Variants in GORASP1 observed in about 807,000 individuals in gnomAD.
GORASP1 encodes the protein golgi reassembly stacking protein 1.
A neutral mutation model predicts 37.7 loss-of-function variants in GORASP1; 31 were observed. The observed-to-expected ratio is 0.82, with a 90% CI of 0.62 to 1.11. GORASP1 has a LOEUF of 1.11. Ranked by LOEUF, GORASP1 falls within the 50% of genes least tolerant of loss-of-function variation. The probability of loss-of-function intolerance (pLI) is 0.00; values close to 1 mark genes in which losing one functional copy is unlikely to be tolerated. For missense variants in GORASP1, 476 were observed against 560.7 expected, an observed-to-expected ratio of 0.85 and a Z score of 1.53; for synonymous variants, 204 against 224.8, an observed-to-expected ratio of 0.91 and a Z score of 0.83.
At position 39,099,485 on chromosome 3, in the gene GORASP1, C is replaced by G; in HGVS notation, c.784G>C (p.Gly262Arg). 1 of 1,610,450 alleles carries G rather than the reference C, an allele frequency of 6.2e-7. No homozygotes were observed. Among genetic ancestry groups the G allele is most frequent in the Non-Finnish European group, 8.5e-7 (1 of 1,178,532 alleles). ...DYMEALLQAPGSSMEDPLPGP... is the reference protein window; with the variant it reads ...DYMEALLQAPRSSMEDPLPGP... ...GGAAGGGGATCCTCCATGGAGGAGC[C>G]AGGTGCCTGCAGCAGGGCCTAGGAA... The change falls in exon 7 of 9, where the codon GGC becomes CGC. Residue 262 changes from glycine to arginine, a missense_variant. Coordinates refer to ENST00000319283, the MANE Select transcript of GORASP1 (RefSeq NM_031899.4).
Position 39,103,323 on chromosome 3 carries a change from C to G in GORASP1, c.144+150G>C. 2 of 626,968 alleles carry G rather than the reference C, an allele frequency of 3.2e-6. No homozygotes were observed. The highest frequency in any genetic ancestry group is 5.6e-6 in the Non-Finnish European group (2 of 359,158). 38.8% of individuals were successfully genotyped at this position (626,968 alleles called of 1,614,324 possible). A position where few individuals can be genotyped will look rare whatever the true frequency, so the allele number is the denominator to read the frequency against. ...CACTGGGCAGGGCCCCAGTCAGGCT[C>G]TGAGTACAGCCCTGGAAGAAGGGGA... On this transcript the variant is annotated intron_variant, in intron 2 of 8. Coordinates refer to ENST00000319283, the MANE Select transcript of GORASP1 (RefSeq NM_031899.4). The surrounding 1 kb of genome is among the most constrained non-coding windows in gnomAD (Gnocchi z 5.2).
At position 39,102,351 on chromosome 3, in the gene GORASP1, A is replaced by C. The variant is rs1203890159; in HGVS notation, c.348+327T>G. The C allele has an allele frequency of 8.7e-6, 4 of 461,168 alleles. No individual in the cohort carries two copies. The highest frequency in any genetic ancestry group is 7.0e-5 in the Admixed American group (2 of 28,612). The allele number at this position is 461,168 out of a possible 1,614,324, so 28.6% of individuals were successfully genotyped here. A position where few individuals can be genotyped will look rare whatever the true frequency, so the allele number is the denominator to read the frequency against. ...CACACACGGAGAGACACAGAGAATAATAAAAGCAGCAGCATTCCAGCAGTC... is the reference window on the plus strand; with the variant it reads ...CACACACGGAGAGACACAGAGAATACTAAAAGCAGCAGCATTCCAGCAGTC... On this transcript the variant is annotated intron_variant, in intron 3 of 8. Coordinates refer to ENST00000319283, the MANE Select transcript of GORASP1 (RefSeq NM_031899.4). The surrounding 1 kb of genome is among the most constrained non-coding windows in gnomAD (Gnocchi z 5.0).
chr3:39,107,438 G>A, intron 1 of GORASP1, 41 bp downstream of exon 1: 1 of 1,263,394 alleles, frequency 7.9e-7, no homozygotes, highest in Non-Finnish European at 1.0e-6. Context: ...CGGGGTTGCG[G>A]GCGCCTCGCC....
In GORASP1 at chr3:39,098,096, T is replaced by C. The variant is rs2035446804; in HGVS notation, c.*140A>G. 6.1e-6 allele frequency: 6 copies of C among 986,040 alleles called. No homozygotes were observed. Among genetic ancestry groups the C allele is most frequent in the East Asian group, 2.5e-5 (1 of 40,658 alleles). 61.1% of individuals were successfully genotyped at this position (986,040 alleles called of 1,614,324 possible). ...AAAAGATATCCTCCCACAAGGCCCA[T>C]GGCCCCCTCTCACCACCCACTGAGG... On this transcript the variant is annotated 3_prime_UTR_variant, in exon 9 of 9. Transcript: ENST00000319283. This position sits in a 1 kb window ranked among gnomAD's most constrained non-coding sequence, Gnocchi z 4.7.
intron 3 of GORASP1, chr3:39,101,509 C>T (rs1002972804): frequency 4.3e-6 from 2 of 459,996 alleles, no homozygotes; most frequent in African/African-American, 4.0e-5. Flanking sequence ...GAAAAGCACA[C>T]CTTGGCTACA....
chr3:39,099,575 C>G (rs2035566063), intron 6 of GORASP1, 72 bp from the exon 7 acceptor site: 2 of 1,475,144 alleles, frequency 1.4e-6, no homozygotes, highest in South Asian at 1.2e-5. Flanking sequence ...TGCAGTCCAA[C>G]CTAACCACCA....
At chr3:39,099,256 T>G in intron 7 of GORASP1, 97 bp downstream of exon 7, 1 of 1,309,058 alleles carries the variant, frequency 7.6e-7, no homozygotes, top group Non-Finnish European at 1.1e-6. Flanking sequence ...ATACATGAGA[T>G]ATGAGGGGTC....
At position 39,102,338 on chromosome 3, in the gene GORASP1, GAC is replaced by G. The variant is rs1172425936; in HGVS notation, c.348+338_348+339del. ...TTGTCATGCAACACACACACGGAGAGACACAGAGAATAATAAAAGCAGCAGCA... is the reference window on the plus strand; with the variant it reads ...TTGTCATGCAACACACACACGGAGAGACAGAGAATAATAAAAGCAGCAGCA... On this transcript the variant is annotated intron_variant, in intron 3 of 8. Transcript: ENST00000319283. The surrounding 1 kb of genome is among the most constrained non-coding windows in gnomAD (Gnocchi z 5.0). 20 of 434,412 alleles carry G rather than the reference GAC, an allele frequency of 4.6e-5. No individual in the cohort carries two copies. In the East Asian group the frequency reaches 7.0e-4, roughly 15 times the overall value. 26.9% of individuals were successfully genotyped at this position (434,412 alleles called of 1,614,324 possible). A position where few individuals can be genotyped will look rare whatever the true frequency, so the allele number is the denominator to read the frequency against.
rs1252173819 is a variant in GORASP1, at chr3:39,098,410, C to T, written c.1149G>A (p.Leu383=). The T allele has an allele frequency of 6.2e-7, 1 of 1,614,180 alleles. No individual in the cohort carries two copies. Among genetic ancestry groups the T allele is most frequent in the Admixed American group, 1.7e-5 (1 of 60,014 alleles). The change falls in exon 9 of 9, where the codon CTG becomes CTA. Residue 383 remains leucine, a synonymous_variant. Transcript: ENST00000319283. The surrounding 1 kb of genome is among the most constrained non-coding windows in gnomAD (Gnocchi z 4.7). The part of the protein sequence containing the change: ...SPGAQAQADH[L]PQLTLPDSLT... ...GACTGTCAGGAAGAGTCAGCTGAGG[C>T]AGGTGGTCCGCCTGGGCTTGGGCAC...
In GORASP1 at chr3:39,098,209, T is replaced by A. The variant is rs1326741808; in HGVS notation, c.*27A>T. 1 of 1,607,696 alleles carries A rather than the reference T, an allele frequency of 6.2e-7. No homozygotes were observed. The highest frequency in any genetic ancestry group is 2.2e-5 in the East Asian group (1 of 44,790). ...CACATCTGGGCCTCATGAAATGTCA[T>A]CATGGGCCTTGTCACAGCCCAGGGT... On this transcript the variant is annotated 3_prime_UTR_variant, in exon 9 of 9. Coordinates refer to ENST00000319283, the MANE Select transcript of GORASP1 (RefSeq NM_031899.4). This position sits in a 1 kb window ranked among gnomAD's most constrained non-coding sequence, Gnocchi z 4.7.
rs372550744 is a variant in GORASP1, at chr3:39,099,542, C to T, written c.766-39G>A. The T allele has an allele frequency of 4.4e-6, 7 of 1,590,902 alleles. No individual in the cohort carries two copies. In the African/African-American group the frequency reaches 9.4e-5, roughly 21 times the overall value. ...AGAAATGGGTAGGGGACAATCAGGA[C>T]AGTGCCTCAAGGTGAAGAATTTTGC... is the stretch of plus-strand genomic sequence containing the variant. On this transcript the variant is annotated intron_variant, in intron 6 of 8. Coordinates refer to ENST00000319283, the MANE Select transcript of GORASP1 (RefSeq NM_031899.4).
chr3:39,100,631 G>A lies in GORASP1; in HGVS notation c.566+116C>T. ...CTTCTGAAATACCGGTCAGCCTCAG[G>A]ATCCCTGGGCCCAGGGCCCAACCCT... On this transcript the variant is annotated intron_variant, in intron 5 of 8. Coordinates refer to ENST00000319283, the MANE Select transcript of GORASP1 (RefSeq NM_031899.4). The surrounding 1 kb of genome is among the most constrained non-coding windows in gnomAD (Gnocchi z 4.6). 1.3e-6 allele frequency: 2 copies of A among 1,491,642 alleles called. No homozygotes were observed. Among genetic ancestry groups the A allele is most frequent in the Non-Finnish European group, 1.8e-6 (2 of 1,106,752 alleles). 92.4% of individuals were successfully genotyped at this position (1,491,642 alleles called of 1,614,324 possible).
At position 39,097,160 on chromosome 3, in the gene GORASP1, A is replaced by T. The variant is rs2125693854; in HGVS notation, c.*1076T>A. ...CAGCTTGTGAGTTCCCTGCATGTACACCAGCATTACAAATGATCCTGTAAA... is the reference window on the plus strand; with the variant it reads ...CAGCTTGTGAGTTCCCTGCATGTACTCCAGCATTACAAATGATCCTGTAAA... On this transcript the variant is annotated 3_prime_UTR_variant, in exon 9 of 9. Coordinates refer to ENST00000319283, the MANE Select transcript of GORASP1 (RefSeq NM_031899.4). 6.6e-6 allele frequency: 1 copy of T among 152,374 alleles called. No homozygotes were observed. The highest frequency in any genetic ancestry group is 1.9e-4 in the East Asian group (1 of 5,192). 9.4% of individuals were successfully genotyped at this position (152,374 alleles called of 1,614,324 possible).
chr3:39,103,640 TC>T lies in GORASP1; in HGVS notation c.64-88del. 1 of 966,408 alleles carries T rather than the reference TC, an allele frequency of 1.0e-6. No individual in the cohort carries two copies. 59.9% of individuals were successfully genotyped at this position (966,408 alleles called of 1,614,324 possible). On this transcript the variant is annotated intron_variant, in intron 1 of 8. Transcript: ENST00000319283. The surrounding 1 kb of genome is among the most constrained non-coding windows in gnomAD (Gnocchi z 5.2). ...CCCCCATTTCAGGAACCATCAGCAC[TC>T]CCAGTGTGCCAGCCAGAACACATGT...
Position 39,098,983 on chromosome 3 carries a change from C to A in GORASP1, c.917-90G>T. The A allele has an allele frequency of 6.6e-7, 1 of 1,523,460 alleles. No individual in the cohort carries two copies. 94.4% of individuals were successfully genotyped at this position (1,523,460 alleles called of 1,614,324 possible). A position where few individuals can be genotyped will look rare whatever the true frequency, so the allele number is the denominator to read the frequency against. On this transcript the variant is annotated intron_variant, in intron 7 of 8. Coordinates refer to ENST00000319283, the MANE Select transcript of GORASP1 (RefSeq NM_031899.4). The surrounding 1 kb of genome is among the most constrained non-coding windows in gnomAD (Gnocchi z 4.7). Reference sequence around the variant, plus strand: ...GGCTCACCTTGCCTAGGGCATCTGGCCCAGCCTGTGAGACTGTAATCTCCT... The same window carrying A: ...GGCTCACCTTGCCTAGGGCATCTGGACCAGCCTGTGAGACTGTAATCTCCT...
rs139017482 is a variant in GORASP1, at chr3:39,102,699, A to T, written c.327T>A (p.Ser109Arg). The T allele has an allele frequency of 1.9e-3, 3,136 of 1,614,032 alleles. 2 individuals are homozygous for T. Among genetic ancestry groups the T allele is most frequent in the Non-Finnish European group, 2.5e-3 (2,996 of 1,179,974 alleles). ...SVRFCSFRRA[S>R]EQVWHVLDVE... is the part of the protein sequence containing the mutation. ...TCACCAGCACATGCCACACCTGCTC[A>T]CTGGCCCTGCGGAAGCTGCAGAAGC... Residue 109 changes from serine (S) to arginine (R), a missense_variant, in exon 3 of 9, where the codon AGT becomes AGA. Ser to Arg is a moderately radical substitution (Grantham distance 110). Coordinates refer to ENST00000319283, the MANE Select transcript of GORASP1 (RefSeq NM_031899.4). The surrounding 1 kb of genome is among the most constrained non-coding windows in gnomAD (Gnocchi z 5.0).
rs1229157237 is a variant in GORASP1 at position 39,101,107 on chromosome 3, G to A, written c.349-5C>T. 3 of 1,613,926 alleles carry A rather than the reference G, an allele frequency of 1.9e-6. No homozygotes were observed. Among genetic ancestry groups the A allele is most frequent in the Non-Finnish European group, 2.5e-6 (3 of 1,179,924 alleles). ...AGGTGAAGATGGTTCCACATCCTGGGGAAAGAACCGCAAACCACTGGCCAT... is the reference window on the plus strand; with the variant it reads ...AGGTGAAGATGGTTCCACATCCTGGAGAAAGAACCGCAAACCACTGGCCAT... On this transcript the variant is annotated splice_region_variant and splice_polypyrimidine_tract_variant and intron_variant, in intron 3 of 8. Transcript: ENST00000319283.
Position 39,098,689 on chromosome 3 carries a change from CCAA to C in GORASP1, c.1069+49_1069+51del. On this transcript the variant is annotated intron_variant, in intron 8 of 8. Transcript: ENST00000319283. The surrounding 1 kb of genome is among the most constrained non-coding windows in gnomAD (Gnocchi z 4.7). ...AGCTGAGGAATTGAGGGCAGCCTTCCCAACAACCCGGGGTCCTTCCCAGAGGAC... is the reference window on the plus strand; with the variant it reads ...AGCTGAGGAATTGAGGGCAGCCTTCCCAACCCGGGGTCCTTCCCAGAGGAC... 1 of 1,591,100 alleles carries C rather than the reference CCAA, an allele frequency of 6.3e-7. No individual in the cohort carries two copies. Among genetic ancestry groups the C allele is most frequent in the South Asian group, 1.1e-5 (1 of 87,316 alleles).
rs2035398049 is a variant in GORASP1 at position 39,097,193 on chromosome 3, C to T, written c.*1043G>A. 1 of 152,208 alleles carries T rather than the reference C, an allele frequency of 6.6e-6. No homozygotes were observed. The highest frequency in any genetic ancestry group is 3.1e-3 in the Middle Eastern group (1 of 318). 9.4% of individuals were successfully genotyped at this position (152,208 alleles called of 1,614,324 possible). On this transcript the variant is annotated 3_prime_UTR_variant, in exon 9 of 9. Transcript: ENST00000319283. ...TACAAATGATCCTGTAAAGGTGAGA[C>T]TTTCAACTAGGCACAAGCTAGAAGA...
Sources: allele counts gnomAD v4.1 joint callset, GRCh38; gene constraint gnomAD v4.1.1; non-coding constraint Gnocchi (gnomAD v3.1); transcripts MANE v1.5; gene names NCBI Gene and HGNC (gene_info 2026-07-23, HGNC 2026-07-21).